The following XYLT1 variants were observed in gnomAD, a reference collection of about 807,000 sequenced individuals.
XYLT1 encodes the protein xylosyltransferase 1.
A neutral mutation model predicts 91.3 loss-of-function variants in XYLT1; 36 were observed. The ratio of observed to expected loss-of-function variants is 0.39; its 90% CI spans 0.30 to 0.52. XYLT1 has a LOEUF of 0.52. Ranked by LOEUF, XYLT1 falls within the 20% of genes least tolerant of loss-of-function variation. The probability of loss-of-function intolerance (pLI) is 0.68; values close to 1 mark genes in which losing one functional copy is unlikely to be tolerated. For missense variants in XYLT1, 1,242 were observed against 1,284.5 expected (o/e 0.97, Z 0.51); for synonymous variants, 588 against 532.0 (o/e 1.11, Z -1.45).
chr16:17,309,963 A>G (rs570101454), intron 2 of XYLT1, among the ~76,000 whole-genome samples: 2 of 152,120 alleles, frequency 1.3e-5, no homozygotes, highest in African/African-American at 2.4e-5. Context: ...CAGGGAAGAG[A>G]TGCCGTGTGT....
chr16:17,410,461 C>G (rs1481571875), intron 1 of XYLT1, among the ~76,000 whole-genome samples: 1 of 152,130 alleles, frequency 6.6e-6, no homozygotes, highest in African/African-American at 2.4e-5. Flanking sequence ...GGAAATTTCC[C>G]TTTTCAAAAC....
chr16:17,204,969 A>C (rs1309777778), intron 3 of XYLT1, among the ~76,000 whole-genome samples: 1 of 39,890 alleles, frequency 2.5e-5, no homozygotes, highest in Non-Finnish European at 3.9e-5. Flanking sequence ...CCAGCTCCAA[A>C]AAAAAAAAAA....
At chr16:17,261,579 G>A (rs570439293) in intron 2 of XYLT1, among the ~76,000 whole-genome samples, 16 of 152,240 alleles carry the variant, frequency 1.1e-4, no homozygotes, top group African/African-American at 3.9e-4. Context: ...CTTAAGTACT[G>A]CAAGCTGACA....
chr16:17,458,286 T>C (rs2036771101), intron 1 of XYLT1, among the ~76,000 whole-genome samples: 1 of 152,212 alleles, frequency 6.6e-6, no homozygotes, highest in South Asian at 2.1e-4. Flanking sequence ...TAAGTTAATG[T>C]AGTCATTACT....
chr16:17,436,989 T>G (rs1440756588), intron 1 of XYLT1, among the ~76,000 whole-genome samples: 1 of 152,120 alleles, frequency 6.6e-6, no homozygotes, highest in African/African-American at 2.4e-5. Flanking sequence ...CCCTCTTGAG[T>G]CCTTCCTGGG....
intron 8 of XYLT1, among the ~76,000 whole-genome samples, chr16:17,135,103 G>A (rs1233394801): frequency 6.6e-6 from 1 of 152,160 alleles, no homozygotes; most frequent in African/African-American, 2.4e-5. Context: ...AATACAGCCT[G>A]CAGATGTATT....
chr16:17,421,183 A>G (rs1213563480), intron 1 of XYLT1, among the ~76,000 whole-genome samples: 3 of 152,204 alleles, frequency 2.0e-5, no homozygotes, highest in Non-Finnish European at 4.4e-5. Flanking sequence ...TCTTAGGAGA[A>G]CATGCCTGTG....
chr16:17,387,317 A>C (rs2035759683), intron 1 of XYLT1, among the ~76,000 whole-genome samples: 2 of 152,168 alleles, frequency 1.3e-5, no homozygotes, highest in African/African-American at 2.4e-5. Context: ...GGTCTCTGCC[A>C]GCACCCACAC....
intron 3 of XYLT1, among the ~76,000 whole-genome samples, chr16:17,225,194 T>G (rs952889190): frequency 3.4e-5 from 4 of 116,832 alleles, no homozygotes; most frequent in Non-Finnish European, 6.9e-5. Flanking sequence ...CTCTCTCTAT[T>G]TATAATTGGT....
At chr16:17,318,797 T>TC (rs201258095) in intron 2 of XYLT1, among the ~76,000 whole-genome samples, 3,770 of 151,250 alleles carry the variant, frequency 0.025, 166 homozygotes, top group African/African-American at 0.086. Context: ...ACTCTTTTTT[T>TC]TTTTTTTTCT....
At chr16:17,195,071 C>T (rs571880246) in intron 5 of XYLT1, among the ~76,000 whole-genome samples, 42 of 152,338 alleles carry the variant, frequency 2.8e-4, no homozygotes, top group African/African-American at 8.4e-4. Flanking sequence ...CTATAAGAAA[C>T]GGTGATTCTC....
At chr16:17,213,199 C>G (rs1410408010) in intron 3 of XYLT1, among the ~76,000 whole-genome samples, 1 of 152,166 alleles carries the variant, frequency 6.6e-6, no homozygotes, top group Non-Finnish European at 1.5e-5. Flanking sequence ...GGCACCTCCC[C>G]TGTCTTGCTC....
intron 6 of XYLT1, among the ~76,000 whole-genome samples, chr16:17,152,797 G>A (rs1167489503): frequency 6.6e-6 from 1 of 152,140 alleles, no homozygotes; most frequent in Non-Finnish European, 1.5e-5. Context: ...TCTGACCTGG[G>A]GCTGGAATCT....
At chr16:17,322,299 C>T (rs2034735722) in intron 2 of XYLT1, among the ~76,000 whole-genome samples, 1 of 152,194 alleles carries the variant, frequency 6.6e-6, no homozygotes, top group South Asian at 2.1e-4. Context: ...ACCTCCTAAG[C>T]CTCACAGTAC....
At chr16:17,357,716 T>C (rs555088367) in intron 2 of XYLT1, among the ~76,000 whole-genome samples, 7 of 152,182 alleles carry the variant, frequency 4.6e-5, no homozygotes, top group Non-Finnish European at 8.8e-5. Context: ...CGCATGATGG[T>C]TGGGCAGGAG....
In XYLT1 at chr16:17,218,565, C is replaced by T. The variant is rs562704620; in HGVS notation, c.914-17911G>A. Among the ~76,000 whole-genome samples, 29 of 152,188 alleles carry T rather than the reference C, an allele frequency of 1.9e-4. 1 individual carries two copies. The South Asian group carries it at 2.7e-3, about 14-fold the overall frequency. ...CTATCGCTTCCAAAATGTGCCTGCT[C>T]GAAGCTTTCATCCATAGGTCCTAAT... is the stretch of plus-strand genomic sequence containing the variant. On this transcript the variant is annotated intron_variant, in intron 3 of 11. Transcript: ENST00000261381.
At chr16:17,320,779 C>T (rs977086125) in intron 2 of XYLT1, among the ~76,000 whole-genome samples, 7 of 125,348 alleles carry the variant, frequency 5.6e-5, no homozygotes, top group Non-Finnish European at 6.9e-5. Context: ...CGCATCTGGC[C>T]GACCTTGGAA....
intron 3 of XYLT1, among the ~76,000 whole-genome samples, chr16:17,208,284 C>T (rs565678887): frequency 6.6e-6 from 1 of 152,094 alleles, no homozygotes; most frequent in East Asian, 1.9e-4. Context: ...TGCCTGGCCC[C>T]CATCCCTTCT....
intron 2 of XYLT1, among the ~76,000 whole-genome samples, chr16:17,351,311 G>A (rs1471466571): frequency 1.3e-5 from 2 of 152,150 alleles, no homozygotes; most frequent in African/African-American, 4.8e-5. Flanking sequence ...TCATGAGTTC[G>A]AGAACAGCCT....
Sources: allele counts gnomAD v4.1 joint callset (sites outside exome capture counted in the v4.1 genomes callset), GRCh38; gene constraint gnomAD v4.1.1; transcripts MANE v1.5; gene names NCBI Gene and HGNC (gene_info 2026-07-23, HGNC 2026-07-21).